Variants in DLG2 observed in about 807,000 individuals in gnomAD.
DLG2 encodes the protein disks large homolog 2.
Under a neutral mutation model 132.5 loss-of-function variants are expected in DLG2, and 45 were observed. The observed-to-expected ratio is 0.34, with a 90% CI of 0.27 to 0.44. The LOEUF is 0.44. Among genes scored for constraint, DLG2 ranks in the 20% least tolerant of loss-of-function variants. The probability of loss-of-function intolerance (pLI) is 1.00; values close to 1 mark genes in which losing one functional copy is unlikely to be tolerated. For synonymous variants in DLG2, 424 were observed against 419.6 expected (o/e 1.01, Z -0.13); for missense variants, 1,045 against 1,196.9 (o/e 0.87, Z 1.87).
chr11:83,883,078 T>G (rs986696465), intron 15 of DLG2, among the ~76,000 whole-genome samples: 1 of 152,230 alleles, frequency 6.6e-6, no homozygotes, highest in South Asian at 2.1e-4. Context: ...GATTTCTTAA[T>G]TGCCCACAAT....
intron 3 of DLG2, among the ~76,000 whole-genome samples, chr11:85,450,046 G>C (rs1356417275): frequency 6.6e-6 from 1 of 152,060 alleles, no homozygotes; most frequent in Non-Finnish European, 1.5e-5. Context: ...AGAATCGCTT[G>C]AACCCAGGAG....
At chr11:85,063,932 A>G (rs915822628) in intron 6 of DLG2, among the ~76,000 whole-genome samples, 11 of 151,830 alleles carry the variant, frequency 7.2e-5, no homozygotes, top group African/African-American at 2.4e-4. Flanking sequence ...TAGACTAAAT[A>G]CTTGTTGACT....
chr11:83,541,258 G>A (rs1391363865), intron 20 of DLG2, among the ~76,000 whole-genome samples: 1 of 152,176 alleles, frequency 6.6e-6, no homozygotes, highest in Non-Finnish European at 1.5e-5. Flanking sequence ...ATATCACACA[G>A]CCAGGACCTT....
At chr11:84,778,196 T>G (rs1369730707) in intron 6 of DLG2, among the ~76,000 whole-genome samples, 1 of 152,180 alleles carries the variant, frequency 6.6e-6, no homozygotes, top group Non-Finnish European at 1.5e-5. Flanking sequence ...CCCAGTACCA[T>G]TTATTGAAAA....
intron 5 of DLG2, among the ~76,000 whole-genome samples, chr11:85,136,239 TG>T (rs2076137037): frequency 6.6e-6 from 1 of 152,194 alleles, no homozygotes; most frequent in African/African-American, 2.4e-5. Context: ...ATGTACAATA[TG>T]TATGTTATAT....
At chr11:84,706,438 T>C (rs2059790565) in intron 6 of DLG2, among the ~76,000 whole-genome samples, 1 of 151,774 alleles carries the variant, frequency 6.6e-6, no homozygotes, top group African/African-American at 2.4e-5. Flanking sequence ...ATGATCTCAT[T>C]AATATTTTCT....
chr11:85,272,884 T>C (rs909041798), intron 4 of DLG2, among the ~76,000 whole-genome samples: 2 of 152,108 alleles, frequency 1.3e-5, no homozygotes, highest in Non-Finnish European at 2.9e-5. Context: ...CAAAACAGCA[T>C]GGTACTGGTA....
At chr11:84,272,434 C>T in intron 7 of DLG2, 1 of 249,070 alleles carries the variant, frequency 4.0e-6, no homozygotes, top group South Asian at 3.8e-5. Context: ...CTCAATTCTT[C>T]AAAGTAGATC....
intron 7 of DLG2, among the ~76,000 whole-genome samples, chr11:84,404,694 T>C (rs1432693535): frequency 1.3e-5 from 2 of 152,214 alleles, no homozygotes; most frequent in Non-Finnish European, 2.9e-5. Context: ...CTGATTTACT[T>C]TTGTACCTGA....
At chr11:84,050,807 T>G (rs2096358639) in intron 11 of DLG2, among the ~76,000 whole-genome samples, 1 of 151,972 alleles carries the variant, frequency 6.6e-6, no homozygotes, top group Admixed American at 6.6e-5. Context: ...TTGTCAGGTT[T>G]GTCAAAGATC....
At chr11:84,599,627 T>G (rs2099571114) in intron 6 of DLG2, among the ~76,000 whole-genome samples, 1 of 152,174 alleles carries the variant, frequency 6.6e-6, no homozygotes, top group African/African-American at 2.4e-5. Context: ...GCCATATGGA[T>G]TTCTCAGCTT....
At chr11:85,338,449 G>T (rs906786124) in intron 3 of DLG2, among the ~76,000 whole-genome samples, 11 of 152,004 alleles carry the variant, frequency 7.2e-5, no homozygotes, top group African/African-American at 2.7e-4. Flanking sequence ...GTGTGGTTAG[G>T]TCATCCATCT....
intron 6 of DLG2, among the ~76,000 whole-genome samples, chr11:84,979,190 G>A (rs2055364428): frequency 6.6e-6 from 1 of 152,014 alleles, no homozygotes; most frequent in Non-Finnish European, 1.5e-5. Context: ...AGAAAAATAG[G>A]AACTAGTTTA....
At chr11:83,851,444 G>A (rs2059755731) in intron 16 of DLG2, among the ~76,000 whole-genome samples, 1 of 151,664 alleles carries the variant, frequency 6.6e-6, no homozygotes, top group East Asian at 2.0e-4. Context: ...GGCCAACATG[G>A]TGAAACCTCT....
chr11:85,104,226 T>C (rs556550623), intron 6 of DLG2, among the ~76,000 whole-genome samples: 5 of 151,950 alleles, frequency 3.3e-5, no homozygotes, highest in South Asian at 2.1e-4. Context: ...CCCAAGAGAA[T>C]TGAAAATACA....
At chr11:85,625,807 TCAAAA>T (rs1054838347) in intron 2 of DLG2, among the ~76,000 whole-genome samples, 18 of 152,244 alleles carry the variant, frequency 1.2e-4, no homozygotes, top group African/African-American at 4.3e-4. Flanking sequence ...CCATATAATG[TCAAAA>T]CAAAACAAAA....
chr11:84,581,329 G>C (rs2099515828), intron 6 of DLG2, among the ~76,000 whole-genome samples: 1 of 151,938 alleles, frequency 6.6e-6, no homozygotes, highest in Non-Finnish European at 1.5e-5. Context: ...GCCTTTCTTA[G>C]TAAAGGAAAA....
At chr11:84,575,740 T>C (rs184831252) in intron 6 of DLG2, among the ~76,000 whole-genome samples, 5 of 152,326 alleles carry the variant, frequency 3.3e-5, no homozygotes, top group African/African-American at 9.6e-5. Flanking sequence ...TATTGACTAT[T>C]GTCACTTTGT....
intron 3 of DLG2, among the ~76,000 whole-genome samples, chr11:85,354,848 T>C (rs1481294197): frequency 1.3e-5 from 2 of 151,978 alleles, no homozygotes; most frequent in Admixed American, 1.3e-4. Context: ...ATTTCACATA[T>C]ATCTTAGAAC....
Sources: gnomAD v4.1 joint callset for allele counts (sites outside exome capture counted in the v4.1 genomes callset) on GRCh38, gnomAD v4.1.1 for gene constraint, MANE v1.5 for transcripts, NCBI Gene and HGNC (gene_info 2026-07-23, HGNC 2026-07-21) for gene names.